The following ULK4 variants were observed in gnomAD, a reference collection of about 807,000 sequenced individuals.
ULK4 encodes inactive serine/threonine-protein kinase ULK4.
Under a neutral mutation model 160.6 loss-of-function variants are expected in ULK4, and 133 were observed. The ratio of observed to expected loss-of-function variants is 0.83; its 90% CI spans 0.72 to 0.96. The LOEUF (loss-of-function observed/expected upper bound fraction) is 0.96, where lower values mean the gene tolerates loss of function less well. Ranked by LOEUF, ULK4 falls within the 40% of genes least tolerant of loss-of-function variation. The pLI, the probability that ULK4 is intolerant of heterozygous loss-of-function variation, is 0.00. For missense variants in ULK4, 1,580 were observed against 1,499.5 expected (o/e 1.05, Z -0.89); for synonymous variants, 534 against 539.8 (o/e 0.99, Z 0.15).
At chr3:41,853,978 C>G (rs1181044465) in intron 17 of ULK4, 1 of 152,118 alleles carries the variant, frequency 6.6e-6, no homozygotes, top group African/African-American at 2.4e-5. Flanking sequence ...TATACTTAGC[C>G]AACTCATTTG....
chr3:41,912,756 G>C, intron 9 of ULK4, 51 bp downstream of exon 9: 1 of 1,489,128 alleles, frequency 6.7e-7, no homozygotes, highest in African/African-American at 1.4e-5. Flanking sequence ...ACAGTAATGG[G>C]CTTAAGTGTC....
intron 29 of ULK4, among the ~76,000 whole-genome samples, chr3:41,680,975 T>G (rs1042991463): frequency 6.6e-6 from 1 of 152,220 alleles, no homozygotes; most frequent in Non-Finnish European, 1.5e-5. Context: ...CATCCTGCTG[T>G]GTGTTTGCTT....
At chr3:41,813,044 A>G (rs879779922) in intron 19 of ULK4, among the ~76,000 whole-genome samples, 83 of 152,174 alleles carry the variant, frequency 5.5e-4, no homozygotes, top group Non-Finnish European at 9.4e-4. Context: ...AATAGTCTAT[A>G]TAATTATGGG....
chr3:41,416,041 T>C lies in ULK4; in HGVS notation c.3493-17777A>G, dbSNP rs115859819. ...TCTAGGAAAAAATGTGGCTATACGATCTTCATAAAATCACACTGAGAAGTC... is the reference window on the plus strand; with the variant it reads ...TCTAGGAAAAAATGTGGCTATACGACCTTCATAAAATCACACTGAGAAGTC... On this transcript the variant is annotated intron_variant, in intron 34 of 36. Transcript: ENST00000301831. Among the ~76,000 whole-genome samples the C allele has an allele frequency of 6.6e-3, 1,008 of 152,350 alleles. 6 individuals are homozygous for C. The highest frequency in any genetic ancestry group is 0.012 in the Non-Finnish European group (795 of 68,030).
chr3:41,718,100 G>T (rs17060942), intron 22 of ULK4, among the ~76,000 whole-genome samples: 5 of 152,066 alleles, frequency 3.3e-5, no homozygotes, highest in Non-Finnish European at 7.4e-5. Context: ...TTGCCTTGGC[G>T]AATGGAAACG....
intron 17 of ULK4, among the ~76,000 whole-genome samples, chr3:41,859,194 A>G (rs926610379): frequency 6.6e-6 from 1 of 152,250 alleles, no homozygotes; most frequent in African/African-American, 2.4e-5. Context: ...TCATTGTAGA[A>G]TAAGACATTT....
chr3:41,950,489 C>T (rs946633106), intron 2 of ULK4, among the ~76,000 whole-genome samples: 27 of 152,072 alleles, frequency 1.8e-4, no homozygotes, highest in Non-Finnish European at 2.8e-4. Context: ...GTGATCCGCC[C>T]ACCTCAGCCT....
chr3:41,911,516 A>G (rs748921492), intron 10 of ULK4, 25 bp downstream of exon 10: 2 of 1,593,786 alleles, frequency 1.3e-6, no homozygotes, highest in Non-Finnish European at 1.7e-6. Flanking sequence ...TCTAAGTAGC[A>G]TGAATGTGCT....
chr3:41,774,321 C>T (rs1003352627), intron 21 of ULK4, among the ~76,000 whole-genome samples: 1 of 150,496 alleles, frequency 6.6e-6, no homozygotes, highest in African/African-American at 2.5e-5. Context: ...GCAACCTACT[C>T]ATCTGACAAA....
At chr3:41,919,690 T>C (rs1286747990) in intron 6 of ULK4, 27 bp downstream of exon 6, 1 of 1,586,624 alleles carries the variant, frequency 6.3e-7, no homozygotes, top group African/African-American at 1.3e-5. Context: ...CCAGCTCTGA[T>C]TTTATACCTA....
At chr3:41,621,469 C>T (rs955331410) in intron 30 of ULK4, among the ~76,000 whole-genome samples, 4 of 152,174 alleles carry the variant, frequency 2.6e-5, no homozygotes, top group African/African-American at 9.7e-5. Context: ...CACCCATCTA[C>T]AACCATCTGA....
intron 22 of ULK4, among the ~76,000 whole-genome samples, chr3:41,723,360 T>A (rs145856587): frequency 7.6e-4 from 116 of 152,264 alleles, no homozygotes; most frequent in Middle Eastern, 3.4e-3. Flanking sequence ...TCTTTTATCT[T>A]CTTCCTCTTT....
intron 20 of ULK4, among the ~76,000 whole-genome samples, chr3:41,791,262 G>A (rs2125593554): frequency 6.6e-6 from 1 of 152,226 alleles, no homozygotes; most frequent in Non-Finnish European, 1.5e-5. Context: ...CCAAAGTGCT[G>A]GGATTACAGA....
chr3:41,536,835 T>C (rs541904273), intron 32 of ULK4, among the ~76,000 whole-genome samples: 35 of 146,156 alleles, frequency 2.4e-4, no homozygotes, highest in Middle Eastern at 3.5e-3. Context: ...TCAGTGTAAC[T>C]TTACAGAAAT....
intron 27 of ULK4, among the ~76,000 whole-genome samples, chr3:41,689,512 A>C (rs1371278476): frequency 1.3e-5 from 2 of 152,108 alleles, no homozygotes; most frequent in Admixed American, 6.5e-5. Flanking sequence ...CAACCTACAA[A>C]ATGGGAGAAA....
chr3:41,372,428 C>T lies in ULK4; in HGVS notation c.3678+25651G>A, dbSNP rs187749263. On this transcript the variant is annotated intron_variant, in intron 35 of 36. Transcript: ENST00000301831. ...GGGTTACCCACAAAGGGAAGCCCAT[C>T]AGACTAACAGCAGATATCTCTGCAG... Among the ~76,000 whole-genome samples, 740 of 152,282 alleles carry T rather than the reference C, an allele frequency of 4.9e-3. 4 individuals are homozygous for T. The highest frequency in any genetic ancestry group is 0.017 in the African/African-American group (695 of 41,564).
chr3:41,645,901 G>A (rs900901562), intron 30 of ULK4, among the ~76,000 whole-genome samples: 27 of 152,286 alleles, frequency 1.8e-4, no homozygotes, highest in East Asian at 3.9e-4. Flanking sequence ...ATATATTTAG[G>A]ATAGTTAGCT....
chr3:41,626,234 C>T, intron 30 of ULK4, among the ~76,000 whole-genome samples: 1 of 152,146 alleles, frequency 6.6e-6, no homozygotes, highest in East Asian at 1.9e-4. Context: ...CTCTAACTCC[C>T]TCCTGTGCCT....
At chr3:41,819,349 C>T (rs1403856698) in intron 19 of ULK4, 74 bp downstream of exon 19, 2 of 1,425,562 alleles carry the variant, frequency 1.4e-6, no homozygotes, top group Non-Finnish European at 1.9e-6. Context: ...CTGCTGCAGG[C>T]TACAATCCTC....
Sources: allele counts gnomAD v4.1 joint callset (sites outside exome capture counted in the v4.1 genomes callset), GRCh38; gene constraint gnomAD v4.1.1; transcripts MANE v1.5; gene names NCBI Gene and HGNC (gene_info 2026-07-23, HGNC 2026-07-21).